ANKFN1: variants seen among roughly 807,000 people sequenced by gnomAD.
ANKFN1 encodes ankyrin repeat and fibronectin type III domain containing 1, also known as ankyrin repeat and fibronectin type-III domain-containing protein 1.
ANKFN1 carries 74 observed loss-of-function variants against 108.7 expected under a neutral mutation model. The observed-to-expected ratio is 0.68, with a 90% CI of 0.56 to 0.83. The LOEUF is 0.83. Among genes scored for constraint, ANKFN1 ranks in the 40% least tolerant of loss-of-function variants. The pLI is 0.00. For synonymous variants in ANKFN1, 547 were observed against 516.2 expected, an observed-to-expected ratio of 1.06 and a Z score of -0.81; for missense variants, 1,505 against 1,382.3, an observed-to-expected ratio of 1.09 and a Z score of -1.41.
intron 15 of ANKFN1, chr17:56,471,129 A>C (rs2145317799): frequency 6.6e-6 from 1 of 152,600 alleles, no homozygotes; most frequent in Non-Finnish European, 1.5e-5. Flanking sequence ...TTTGCAGAAG[A>C]AGCCGTGAAT....
intron 6 of ANKFN1, among the ~76,000 whole-genome samples, chr17:56,361,113 C>T (rs1409260288): frequency 1.3e-5 from 2 of 152,078 alleles, no homozygotes. Flanking sequence ...GCTTTTTTTA[C>T]TTAGAATAAC....
chr17:56,299,546 G>C (rs1374824090), intron 3 of ANKFN1, among the ~76,000 whole-genome samples: 2 of 152,118 alleles, frequency 1.3e-5, no homozygotes, highest in Non-Finnish European at 2.9e-5. Flanking sequence ...GCTTGCCCAG[G>C]GGACTCCCAA....
At position 56,466,372 on chromosome 17, in the gene ANKFN1, A is replaced by C; in HGVS notation, c.1574A>C (p.His525Pro). Residue 525 changes from histidine to proline, a missense_variant, in exon 15 of 21, where the codon CAC becomes CCC. His to Pro is a moderately conservative substitution (Grantham distance 77). Coordinates refer to ENST00000682825, the MANE Select transcript of ANKFN1 (RefSeq NM_001370326.1). ...TGTTTCCAGAATTTACTTGGGACACACAACTTGGGAAGAGTTTACTATGAG... is the reference window on the plus strand; with the variant it reads ...TGTTTCCAGAATTTACTTGGGACACCCAACTTGGGAAGAGTTTACTATGAG... ...TAQLQNLLGT[H>P]NLGRVYYEPI... 6.2e-7 allele frequency: 1 copy of C among 1,614,206 alleles called. No homozygotes were observed.
intron 2 of ANKFN1, among the ~76,000 whole-genome samples, chr17:56,221,128 G>C (rs1915868401): frequency 6.6e-6 from 1 of 152,082 alleles, no homozygotes; most frequent in Admixed American, 6.5e-5. Flanking sequence ...GAGCAAGAGA[G>C]AGAGAGCATA....
chr17:56,396,165 C>T (rs9914525), intron 8 of ANKFN1, among the ~76,000 whole-genome samples: 3,461 of 152,182 alleles, frequency 0.023, 120 homozygotes, highest in African/African-American at 0.072. Context: ...GAAGGGGCCA[C>T]GGGCCAGGCA....
intron 3 of ANKFN1, among the ~76,000 whole-genome samples, chr17:56,295,856 C>A (rs149590809): frequency 6.6e-6 from 1 of 152,284 alleles, no homozygotes; most frequent in Non-Finnish European, 1.5e-5. Flanking sequence ...TTATAATGAA[C>A]CTACTCCTGA....
intron 18 of ANKFN1, among the ~76,000 whole-genome samples, chr17:56,486,077 C>A (rs542933815): frequency 2.0e-5 from 3 of 152,328 alleles, no homozygotes; most frequent in Admixed American, 2.0e-4. Flanking sequence ...ACCTGTTTTA[C>A]CTCTTCACAT....
chr17:56,347,042 T>C (rs959036677), intron 4 of ANKFN1, among the ~76,000 whole-genome samples: 3 of 151,750 alleles, frequency 2.0e-5, no homozygotes, highest in African/African-American at 7.2e-5. Context: ...CATTTTACAT[T>C]TTCTATTTAT....
chr17:56,408,519 T>A (rs927883478), intron 8 of ANKFN1, among the ~76,000 whole-genome samples: 1 of 152,158 alleles, frequency 6.6e-6, no homozygotes, highest in Non-Finnish European at 1.5e-5. Context: ...TGAATTATCT[T>A]GGTGGTGAAG....
At chr17:56,441,621 A>C (rs2049109160) in intron 9 of ANKFN1, among the ~76,000 whole-genome samples, 1 of 152,076 alleles carries the variant, frequency 6.6e-6, no homozygotes, top group Non-Finnish European at 1.5e-5. Context: ...CATTGCTTAA[A>C]AGAAAAAGTG....
chr17:56,208,233 C>T (rs190465319), intron 1 of ANKFN1, among the ~76,000 whole-genome samples: 1 of 152,164 alleles, frequency 6.6e-6, no homozygotes, highest in Admixed American at 6.5e-5. Flanking sequence ...CAACACCAGG[C>T]TGGTCTTAAA....
intron 4 of ANKFN1, among the ~76,000 whole-genome samples, chr17:56,349,067 G>C (rs1261513575): frequency 6.6e-6 from 1 of 152,158 alleles, no homozygotes; most frequent in African/African-American, 2.4e-5. Context: ...ATGAGATCAT[G>C]TTCTTTGTAG....
At chr17:56,494,021 G>A (rs1372638877) in intron 19 of ANKFN1, among the ~76,000 whole-genome samples, 1 of 152,170 alleles carries the variant, frequency 6.6e-6, no homozygotes. Context: ...TCGGCAAAAT[G>A]CCTGGCACAT....
At chr17:56,419,546 C>A (rs1468301987) in intron 8 of ANKFN1, among the ~76,000 whole-genome samples, 1 of 151,462 alleles carries the variant, frequency 6.6e-6, no homozygotes, top group Admixed American at 6.6e-5. Flanking sequence ...GTAATCCCAG[C>A]ACTTTGGGAG....
chr17:56,516,348 A>G lies in ANKFN1; in HGVS notation c.*5079A>G, dbSNP rs2051916911. On this transcript the variant is annotated 3_prime_UTR_variant, in exon 21 of 21. Transcript: ENST00000682825. ...AATTTAAGTGACATTCTCATTTGGC[A>G]GTATTTAATTGCTTCCTTCCTAATG... Among the ~76,000 whole-genome samples, 1 of 152,116 alleles carries G rather than the reference A, an allele frequency of 6.6e-6. No individual in the cohort carries two copies. Among genetic ancestry groups the G allele is most frequent in the African/African-American group, 2.4e-5 (1 of 41,410 alleles).
chr17:56,199,237 A>T, intron 1 of ANKFN1, among the ~76,000 whole-genome samples: 1 of 145,534 alleles, frequency 6.9e-6, no homozygotes, highest in African/African-American at 2.6e-5. Context: ...AATTTTTCCC[A>T]TTACGTTTTC....
At chr17:56,422,464 C>G (rs1395756922) in intron 8 of ANKFN1, among the ~76,000 whole-genome samples, 17 of 151,570 alleles carry the variant, frequency 1.1e-4, no homozygotes, top group Non-Finnish European at 1.5e-5. Context: ...CACATGCACA[C>G]ACACACGCAC....
intron 8 of ANKFN1, among the ~76,000 whole-genome samples, chr17:56,403,339 C>T (rs2144946464): frequency 6.6e-6 from 1 of 152,098 alleles, no homozygotes; most frequent in South Asian, 2.1e-4. Flanking sequence ...TATCTCATTT[C>T]TTAGGTCTAT....
intron 3 of ANKFN1, among the ~76,000 whole-genome samples, chr17:56,304,358 G>A (rs989700789): frequency 4.6e-5 from 7 of 152,134 alleles, no homozygotes; most frequent in African/African-American, 1.7e-4. Context: ...ATATTCTATG[G>A]AATTGATGTA....
Sources: gnomAD v4.1 joint callset for allele counts (sites outside exome capture counted in the v4.1 genomes callset) on GRCh38, gnomAD v4.1.1 for gene constraint, MANE v1.5 for transcripts, NCBI Gene and HGNC (gene_info 2026-07-23, HGNC 2026-07-21) for gene names.